The following SPATS2 variants were observed in gnomAD, a reference collection of about 807,000 sequenced individuals.
The protein encoded by SPATS2 is spermatogenesis associated serine rich 2.
Under a neutral mutation model 63.7 loss-of-function variants are expected in SPATS2, and 38 were observed. The observed-to-expected ratio is 0.60, with a 90% confidence interval of 0.46 to 0.78. The LOEUF (loss-of-function observed/expected upper bound fraction) is 0.78. Among genes scored for constraint, SPATS2 ranks in the 30% least tolerant of loss-of-function variants. SPATS2 has a pLI of 0.00. For synonymous variants in SPATS2, 207 were observed against 232.9 expected (o/e 0.89, Z 1.01); for missense variants, 588 against 666.2 (o/e 0.88, Z 1.29).
intron 2 of SPATS2, among the ~76,000 whole-genome samples, chr12:49,432,346 C>T (rs1812611359): frequency 6.6e-6 from 1 of 152,140 alleles, no homozygotes; most frequent in African/African-American, 2.4e-5. Context: ...GTGGCAGGCG[C>T]CTGTAGTCCC....
chr12:49,438,539 G>A (rs967185829), intron 2 of SPATS2, among the ~76,000 whole-genome samples: 2 of 152,010 alleles, frequency 1.3e-5, no homozygotes, highest in Admixed American at 6.6e-5. Flanking sequence ...TCCATTCTAC[G>A]TTCCCATGAG....
intron 2 of SPATS2, among the ~76,000 whole-genome samples, chr12:49,408,552 CTTTT>C (rs772842153): frequency 2.6e-5 from 3 of 116,060 alleles, no homozygotes; most frequent in Admixed American, 9.1e-5. Context: ...TGTGCCTGGC[CTTTT>C]TTTTTTTTTT....
chr12:49,526,179 C>T lies in SPATS2; in HGVS notation c.1562C>T (p.Pro521Leu). Residue 521 changes from proline to leucine, a missense_variant, in exon 14 of 14, where the codon CCT becomes CTT. Physicochemically the swap from Pro to Leu is moderately conservative, Grantham distance 98. Transcript: ENST00000552918. ...ACTGGAGTCAGCATGGAGCCCAGCC[C>T]TCCCACGCCTTCATTCAAAAAGGGG... ...NGTGVSMEPS[P>L]PTPSFKKGLP... The T allele has an allele frequency of 1.2e-6, 2 of 1,614,192 alleles. No individual in the cohort carries two copies. Among genetic ancestry groups the T allele is most frequent in the South Asian group, 2.2e-5 (2 of 91,082 alleles).
chr12:49,425,848 G>T (rs558067300), intron 2 of SPATS2, among the ~76,000 whole-genome samples: 1 of 151,966 alleles, frequency 6.6e-6, no homozygotes, highest in Admixed American at 6.6e-5. Context: ...GGCCAGGCTG[G>T]TCTCGAACTC....
intron 2 of SPATS2, among the ~76,000 whole-genome samples, chr12:49,421,293 C>G (rs1326623960): frequency 6.6e-6 from 1 of 151,802 alleles, no homozygotes. Context: ...TGGCGTGCGC[C>G]TGTAATCCCA....
chr12:49,446,992 G>T (rs147715069), intron 2 of SPATS2, among the ~76,000 whole-genome samples: 7,642 of 150,678 alleles, frequency 0.051, 393 homozygotes, highest in African/African-American at 0.13. Flanking sequence ...GCAATGGCAC[G>T]ATCTCGGCTC....
intron 11 of SPATS2, among the ~76,000 whole-genome samples, chr12:49,521,985 A>C (rs924161637): frequency 6.6e-6 from 1 of 151,548 alleles, no homozygotes; most frequent in Non-Finnish European, 1.5e-5. Flanking sequence ...CTTCCAAATT[A>C]TATCTAGGCC....
At chr12:49,455,651 T>A (rs1239749044) in intron 2 of SPATS2, among the ~76,000 whole-genome samples, 1 of 152,220 alleles carries the variant, frequency 6.6e-6, no homozygotes, top group African/African-American at 2.4e-5. Context: ...AGACAGGGTC[T>A]CATTCCGTTG....
intron 9 of SPATS2, among the ~76,000 whole-genome samples, chr12:49,510,562 CAAA>C (rs1270614197): frequency 2.8e-4 from 25 of 88,408 alleles, no homozygotes; most frequent in Admixed American, 4.1e-4. Context: ...GACCCTGTCT[CAAA>C]AAAAAAAAAA....
chr12:49,451,072 A>G (rs775912133), intron 2 of SPATS2, among the ~76,000 whole-genome samples: 4 of 150,514 alleles, frequency 2.7e-5, no homozygotes, highest in Non-Finnish European at 5.9e-5. Context: ...GGATTTTACC[A>G]TGTTGGCTAG....
chr12:49,390,027 A>G, intron 2 of SPATS2: 1 of 932,272 alleles, frequency 1.1e-6, no homozygotes, highest in Non-Finnish European at 1.8e-6. Context: ...TTCAACTTGA[A>G]CAAGAAAACA....
At chr12:49,421,667 A>T (rs1352990569) in intron 2 of SPATS2, among the ~76,000 whole-genome samples, 1 of 152,162 alleles carries the variant, frequency 6.6e-6, no homozygotes, top group African/African-American at 2.4e-5. Context: ...ATCATTTTTG[A>T]CAATAATCCA....
chr12:49,518,758 C>T (rs1024202469), intron 10 of SPATS2, among the ~76,000 whole-genome samples: 1 of 152,196 alleles, frequency 6.6e-6, no homozygotes, highest in Non-Finnish European at 1.5e-5. Flanking sequence ...ACCCAACTTA[C>T]TCTAGATGAA....
intron 2 of SPATS2, among the ~76,000 whole-genome samples, chr12:49,423,387 C>T (rs1945018149): frequency 6.6e-6 from 1 of 152,180 alleles, no homozygotes; most frequent in African/African-American, 2.4e-5. Flanking sequence ...CTGCCTTGAT[C>T]TCCCACAGTG....
intron 3 of SPATS2, among the ~76,000 whole-genome samples, chr12:49,472,399 T>C (rs1487416429): frequency 6.6e-6 from 1 of 151,498 alleles, no homozygotes; most frequent in Non-Finnish European, 1.5e-5. Context: ...CAGTACATTA[T>C]TACATATAGA....
intron 2 of SPATS2, among the ~76,000 whole-genome samples, chr12:49,431,639 A>C (rs1945188256): frequency 6.6e-6 from 1 of 152,246 alleles, no homozygotes; most frequent in South Asian, 2.1e-4. Context: ...ATTGACAATT[A>C]GTTTGAATAT....
chr12:49,526,115 A>G lies in SPATS2; in HGVS notation c.1498A>G (p.Ile500Val), dbSNP rs376194935. Reference protein sequence around the residue: ...SAPSQAPGNTIERGQTHSAGT... With the variant: ...SAPSQAPGNTVERGQTHSAGT... ...TCCATCTCAGGCACCAGGAAACACC[A>G]TTGAAAGAGGCCAGACTCACTCTGC... Residue 500 changes from isoleucine (I) to valine (V), a missense_variant, in exon 14 of 14, where the codon ATT becomes GTT. By Grantham distance (29) the Ile-to-Val change is conservative. Coordinates refer to ENST00000552918, the MANE Select transcript of SPATS2 (RefSeq NM_023071.4). 3.7e-6 allele frequency: 6 copies of G among 1,614,064 alleles called. No individual in the cohort carries two copies. The highest frequency in any genetic ancestry group is 5.1e-6 in the Non-Finnish European group (6 of 1,180,042).
chr12:49,392,653 C>T (rs1944438061), intron 2 of SPATS2, among the ~76,000 whole-genome samples: 1 of 149,992 alleles, frequency 6.7e-6, no homozygotes, highest in Admixed American at 6.7e-5. Context: ...GCAGAGGTTG[C>T]GGTGAGCCGA....
At chr12:49,433,295 T>C (rs1205039689) in intron 2 of SPATS2, among the ~76,000 whole-genome samples, 59 of 152,206 alleles carry the variant, frequency 3.9e-4, no homozygotes, top group Admixed American at 3.9e-3. Flanking sequence ...CCCGAGTAGC[T>C]GGGACTACAG....
Sources: allele counts gnomAD v4.1 joint callset (sites outside exome capture counted in the v4.1 genomes callset), GRCh38; gene constraint gnomAD v4.1.1; transcripts MANE v1.5; gene names NCBI Gene and HGNC (gene_info 2026-07-23, HGNC 2026-07-21).